FRMPD4: variants seen among roughly 807,000 people sequenced by gnomAD.
FRMPD4 encodes FERM and PDZ domain containing 4, also known as FERM and PDZ domain-containing protein 4.
FRMPD4 carries 22 observed loss-of-function variants against 94.1 expected under a neutral mutation model. The ratio of observed to expected loss-of-function variants is 0.23; its 90% CI spans 0.17 to 0.33. The LOEUF (loss-of-function observed/expected upper bound fraction) is 0.33. FRMPD4 is among the 10% of genes least tolerant of loss of function. FRMPD4 has a pLI of 1.00. For synonymous variants in FRMPD4, 631 were observed against 548.6 expected, an observed-to-expected ratio of 1.15 and a Z score of -2.10; for missense variants, 1,111 against 1,339.9, an observed-to-expected ratio of 0.83 and a Z score of 2.67.
chrX:11,884,496 T>C (rs777536637), intron 3 of FRMPD4, among the ~76,000 whole-genome samples: 2 of 111,560 alleles, frequency 1.8e-5, no homozygotes, highest in African/African-American at 6.5e-5. Flanking sequence ...TAAGTGTTTT[T>C]CTAATGTGTG....
At chrX:11,993,650 T>A (rs371521784) in intron 3 of FRMPD4, among the ~76,000 whole-genome samples, 1 of 112,456 alleles carries the variant, frequency 8.9e-6, no homozygotes, top group African/African-American at 3.2e-5. Context: ...GAGCCAGAGA[T>A]GTGTTGTATA....
At chrX:12,617,411 G>A (rs927960983) in intron 4 of FRMPD4, among the ~76,000 whole-genome samples, 4 of 111,868 alleles carry the variant, frequency 3.6e-5, no homozygotes, top group African/African-American at 1.3e-4. Flanking sequence ...AAACTGTCTG[G>A]CTCACAACCT....
chrX:12,346,141 C>T (rs1391850219), intron 1 of FRMPD4, among the ~76,000 whole-genome samples: 1 of 107,097 alleles, frequency 9.3e-6, no homozygotes, highest in Non-Finnish European at 1.9e-5. Flanking sequence ...TAGAAAAAAA[C>T]AAACTAGTAA....
At chrX:12,482,161 G>A (rs946202948) in intron 1 of FRMPD4, among the ~76,000 whole-genome samples, 1 of 109,759 alleles carries the variant, frequency 9.1e-6, no homozygotes, top group African/African-American at 3.3e-5. Flanking sequence ...TGTATAAGTG[G>A]ACATGTGCAG....
intron 1 of FRMPD4, among the ~76,000 whole-genome samples, chrX:12,220,152 G>GCAA (rs3063515): frequency 0.043 from 4,564 of 106,511 alleles, 271 homozygotes; most frequent in African/African-American, 0.15. Flanking sequence ...AACAACAACA[G>GCAA]CAACAACAAC....
intron 2 of FRMPD4, among the ~76,000 whole-genome samples, chrX:12,525,502 A>T (rs1468399974): frequency 8.9e-6 from 1 of 111,974 alleles, no homozygotes; most frequent in Non-Finnish European, 1.9e-5. Flanking sequence ...GCATCTCATG[A>T]CAGAGCAGAT....
chrX:12,569,263 A>C (rs1220576134), intron 2 of FRMPD4, among the ~76,000 whole-genome samples: 1 of 112,176 alleles, frequency 8.9e-6, no homozygotes, highest in East Asian at 2.8e-4. Flanking sequence ...CTAATTTTCA[A>C]ATTTCTAAGC....
At chrX:12,120,576 T>G (rs987392016) in intron 3 of FRMPD4, among the ~76,000 whole-genome samples, 4 of 111,513 alleles carry the variant, frequency 3.6e-5, no homozygotes, top group Non-Finnish European at 7.5e-5. Flanking sequence ...GTGACCTGTA[T>G]CTGACTAAGT....
Position 12,417,738 on chromosome X carries a change from G to A in FRMPD4, c.42-80942G>A, listed in dbSNP as rs758109094. On this transcript the variant is annotated intron_variant, in intron 1 of 16. Transcript: ENST00000675598. ...TAAAAACATTGTTCTGGCCAGGCAC[G>A]GTGGCTCAAGCCTGTAATCCCAGCA... is the stretch of plus-strand genomic sequence containing the variant. 1.8e-3 allele frequency among the ~76,000 whole-genome samples: 195 copies of A among 108,356 alleles called. 1 individual carries two copies. The highest frequency in any genetic ancestry group is 4.8e-3 in the Middle Eastern group (1 of 210). The allele number at this position is 108,356 out of a possible 115,157, so 94.1% of individuals were successfully genotyped here.
chrX:12,163,903 C>G (rs956189859), intron 1 of FRMPD4, among the ~76,000 whole-genome samples: 2 of 111,685 alleles, frequency 1.8e-5, no homozygotes, highest in Non-Finnish European at 3.8e-5. Context: ...CTGATAAGAA[C>G]CATTTTTTAC....
rs1265959504 is a variant in FRMPD4 at position 12,366,577 on chromosome X, C to T, written c.42-132103C>T. On this transcript the variant is annotated intron_variant, in intron 1 of 16. Transcript: ENST00000675598. ...CATTAGCAATTTTCATGCATTTATT[C>T]ATTTATCAGAAATGATGCAGACACT... is the stretch of plus-strand genomic sequence containing the variant. 4.5e-5 allele frequency among the ~76,000 whole-genome samples: 5 copies of T among 112,154 alleles called. No homozygotes were observed. The East Asian group carries it at 1.4e-3, about 31-fold the overall frequency.
In FRMPD4 at chrX:12,331,676, A is replaced by G. The variant is rs1441097069; in HGVS notation, c.42-167004A>G. 2.0e-4 allele frequency among the ~76,000 whole-genome samples: 15 copies of G among 74,444 alleles called. No individual in the cohort carries two copies. The East Asian group carries it at 5.5e-3, about 27-fold the overall frequency. The allele number at this position is 74,444 out of a possible 115,157, so 64.6% of individuals were successfully genotyped here. On this transcript the variant is annotated intron_variant, in intron 1 of 16. Transcript: ENST00000675598. ...ATTTATATAATATATAAATATATAA[A>G]TTATATATTTATATAATATATAAAT...
chrX:11,849,672 G>T (rs2053608494), intron 1 of FRMPD4, among the ~76,000 whole-genome samples: 1 of 100,774 alleles, frequency 9.9e-6, no homozygotes, highest in Non-Finnish European at 2.0e-5. Context: ...ATGTGGGAAA[G>T]GACAGGTTTT....
At chrX:12,163,089 T>C (rs2056051607) in intron 1 of FRMPD4, among the ~76,000 whole-genome samples, 1 of 110,769 alleles carries the variant, frequency 9.0e-6, no homozygotes, top group African/African-American at 3.3e-5. Context: ...ACAATTTTTA[T>C]GTACAGGTGA....
chrX:12,192,195 T>C (rs974728187), intron 1 of FRMPD4, among the ~76,000 whole-genome samples: 2 of 111,947 alleles, frequency 1.8e-5, no homozygotes, highest in Admixed American at 1.9e-4. Context: ...TTGAAGCAAC[T>C]GTGTCACATT....
At chrX:12,301,948 C>T (rs1400473885) in intron 1 of FRMPD4, among the ~76,000 whole-genome samples, 1 of 111,757 alleles carries the variant, frequency 8.9e-6, no homozygotes, top group Non-Finnish European at 1.9e-5. Flanking sequence ...GCTTGTATCC[C>T]CAGGCTTTTA....
chrX:12,281,371 T>C lies in FRMPD4; in HGVS notation c.41+142359T>C, dbSNP rs769917449. 1.1e-4 allele frequency among the ~76,000 whole-genome samples: 11 copies of C among 102,787 alleles called. No individual in the cohort carries two copies. In the Admixed American group the frequency reaches 1.3e-3, roughly 12 times the overall value. The allele number at this position is 102,787 out of a possible 115,157, so 89.3% of individuals were successfully genotyped here. Reference sequence around the variant, plus strand: ...GTTAAGTCTTCATTTTTTAAAAAAGTCTTTTTTTTTTTTTCTTTTTTGAGA... The same window carrying C: ...GTTAAGTCTTCATTTTTTAAAAAAGCCTTTTTTTTTTTTTCTTTTTTGAGA... On this transcript the variant is annotated intron_variant, in intron 1 of 16. Coordinates refer to ENST00000675598, the MANE Select transcript of FRMPD4 (RefSeq NM_001368397.1).
intron 3 of FRMPD4, among the ~76,000 whole-genome samples, chrX:12,084,217 T>C (rs1209640914): frequency 1.9e-5 from 2 of 106,619 alleles, no homozygotes; most frequent in Non-Finnish European, 3.9e-5. Flanking sequence ...TGGTCTTTCC[T>C]GTGCTATTCT....
At chrX:12,690,159 A>G in intron 7 of FRMPD4, 36 bp from the exon 8 acceptor site, 2 of 1,161,974 alleles carry the variant, frequency 1.7e-6, no homozygotes, top group Non-Finnish European at 2.3e-6. Flanking sequence ...GGCAGCTTCG[A>G]TTTTGGTCTC....
Sources: allele counts gnomAD v4.1 joint callset (sites outside exome capture counted in the v4.1 genomes callset), GRCh38; gene constraint gnomAD v4.1.1; transcripts MANE v1.5; gene names NCBI Gene and HGNC (gene_info 2026-07-23, HGNC 2026-07-21).